Variants in ZFHX3 observed in about 807,000 individuals in gnomAD.
ZFHX3 encodes the protein zinc finger homeobox protein 3.
Under a neutral mutation model 279.1 loss-of-function variants are expected in ZFHX3, and 42 were observed. The ratio of observed to expected loss-of-function variants is 0.15; its 90% confidence interval spans 0.12 to 0.19. The LOEUF (loss-of-function observed/expected upper bound fraction) is 0.19, where lower values mean the gene tolerates loss of function less well. Among genes scored for constraint, ZFHX3 ranks in the 10% least tolerant of loss-of-function variants. The pLI is 1.00. For synonymous variants in ZFHX3, 2,293 were observed against 1,957.8 expected (o/e 1.17, Z -4.52); for missense variants, 4,981 against 4,754.0 (o/e 1.05, Z -1.40).
chr16:73,642,782 C>T (rs1354077786), intron 2 of ZFHX3, among the ~76,000 whole-genome samples: 1 of 152,146 alleles, frequency 6.6e-6, no homozygotes, highest in Non-Finnish European at 1.5e-5. Flanking sequence ...AAATAACAGG[C>T]TGACATCTGC....
chr16:73,713,443 T>C (rs1277396252), intron 1 of ZFHX3, among the ~76,000 whole-genome samples: 1 of 152,128 alleles, frequency 6.6e-6, no homozygotes, highest in African/African-American at 2.4e-5. Flanking sequence ...TTCCTCCTCC[T>C]CCTATTCTTG....
intron 4 of ZFHX3, among the ~76,000 whole-genome samples, chr16:73,308,369 C>T (rs2015243386): frequency 6.6e-6 from 1 of 151,212 alleles, no homozygotes; most frequent in Admixed American, 6.6e-5. Flanking sequence ...CTTCCACCTC[C>T]TGGGTTCTCC....
At position 73,534,176 on chromosome 16, in the gene ZFHX3, G is replaced by T. The variant is rs144558746; in HGVS notation, c.-1546-77918C>A. On this transcript the variant is annotated intron_variant, in intron 2 of 17. Transcript: ENST00000641206. ...TACTTCTCTTCCCCTTGCCCATTCA[G>T]CTCCAGCCATGGTGAATTCTTCAAT... Among the ~76,000 whole-genome samples the T allele has an allele frequency of 5.6e-3, 853 of 152,142 alleles. 4 individuals are homozygous for T. Among genetic ancestry groups the T allele is most frequent in the Non-Finnish European group, 8.2e-3 (556 of 68,008 alleles).
chr16:73,021,222 C>T lies in ZFHX3; in HGVS notation c.-50+26530G>A, dbSNP rs577291310. 2.0e-4 allele frequency among the ~76,000 whole-genome samples: 30 copies of T among 152,294 alleles called. 1 individual carries two copies. The South Asian group carries it at 2.5e-3, about 13-fold the overall frequency. ...AGGGGTTTAGAGCAGCGAGGAAAGA[C>T]AATCGAGGAAACGGGGCTCGAGGTT... On this transcript the variant is annotated intron_variant, in intron 1 of 9. Transcript: ENST00000268489.
At chr16:73,334,581 C>G (rs553767885) in intron 3 of ZFHX3, among the ~76,000 whole-genome samples, 4 of 152,108 alleles carry the variant, frequency 2.6e-5, no homozygotes, top group Admixed American at 6.5e-5. Flanking sequence ...TTGTTCTGCC[C>G]GCTCCCCAAA....
At chr16:73,250,421 C>T (rs1364855931) in intron 5 of ZFHX3, among the ~76,000 whole-genome samples, 2 of 152,184 alleles carry the variant, frequency 1.3e-5, no homozygotes, top group African/African-American at 4.8e-5. Context: ...ATTTATATAA[C>T]ATAAAATTTG....
chr16:73,682,979 AAAG>A lies in ZFHX3; in HGVS notation c.-1607-2742_-1607-2740del, dbSNP rs760603946. On this transcript the variant is annotated intron_variant, in intron 1 of 17. Transcript: ENST00000641206. Reference sequence around the variant, plus strand: ...GAAAGAAAGAAAGAAAGAAAGAAAGAAAGAAAGAAAGAAAAGAAAGAAAGAAAG... The same window carrying A: ...GAAAGAAAGAAAGAAAGAAAGAAAGAAAAGAAAGAAAAGAAAGAAAGAAAG... Among the ~76,000 whole-genome samples the A allele has an allele frequency of 5.6e-3, 130 of 23,228 alleles. 4 individuals carry two copies. Among genetic ancestry groups the A allele is most frequent in the African/African-American group, 6.5e-3 (42 of 6,432 alleles). 15.2% of individuals were successfully genotyped at this position (23,228 alleles called of 152,430 possible).
rs879110976 is a variant in ZFHX3, at chr16:73,371,854, C to G, written c.-1290-53518G>C. Among the ~76,000 whole-genome samples, 14 of 152,224 alleles carry G rather than the reference C, an allele frequency of 9.2e-5. 1 individual carries two copies. Among genetic ancestry groups the G allele is most frequent in the African/African-American group, 3.4e-4 (14 of 41,458 alleles). ...TCTCTTGCTGATCGCAATGCCCTTT[C>G]CCTCCCATTCAAGGTCTCGGCCCAG... On this transcript the variant is annotated intron_variant, in intron 3 of 17. Coordinates refer to the ZFHX3 transcript ENST00000641206.
chr16:73,481,283 C>A (rs566289413), intron 2 of ZFHX3, among the ~76,000 whole-genome samples: 1 of 151,438 alleles, frequency 6.6e-6, no homozygotes, highest in Admixed American at 6.6e-5. Flanking sequence ...GAGCTGAGAT[C>A]GCATCACTGC....
intron 2 of ZFHX3, among the ~76,000 whole-genome samples, chr16:73,551,348 A>C (rs1433453102): frequency 1.3e-5 from 2 of 152,234 alleles, no homozygotes; most frequent in Non-Finnish European, 2.9e-5. Flanking sequence ...GCATGAAGAA[A>C]AAAAAAGTAC....
intron 7 of ZFHX3, among the ~76,000 whole-genome samples, chr16:72,810,025 C>A (rs989673013): frequency 6.6e-6 from 1 of 151,248 alleles, no homozygotes; most frequent in Non-Finnish European, 1.5e-5. Flanking sequence ...ACTACAGGCG[C>A]CTGCCACCAC....
intron 5 of ZFHX3, among the ~76,000 whole-genome samples, chr16:73,251,376 C>T (rs1049027616): frequency 1.3e-5 from 2 of 152,148 alleles, no homozygotes; most frequent in Non-Finnish European, 2.9e-5. Context: ...ACAGCGAGCA[C>T]GGAGCACTGT....
intron 1 of ZFHX3, among the ~76,000 whole-genome samples, chr16:73,685,829 A>T (rs1469140640): frequency 1.3e-5 from 2 of 152,208 alleles, no homozygotes; most frequent in South Asian, 2.1e-4. Context: ...ATGCTCTTTT[A>T]TGAGCACCCG....
intron 2 of ZFHX3, among the ~76,000 whole-genome samples, chr16:73,667,068 T>C (rs1416058248): frequency 6.6e-6 from 1 of 151,988 alleles, no homozygotes; most frequent in East Asian, 1.9e-4. Flanking sequence ...CTCGGCTCAC[T>C]ACAACCTCCA....
At chr16:73,310,109 A>G (rs1369716855) in intron 4 of ZFHX3, among the ~76,000 whole-genome samples, 1 of 151,874 alleles carries the variant, frequency 6.6e-6, no homozygotes, top group Non-Finnish European at 1.5e-5. Flanking sequence ...GGGTTTCACC[A>G]TATTGGCCAC....
At chr16:72,864,613 C>A (rs1461348919) in intron 4 of ZFHX3, among the ~76,000 whole-genome samples, 4 of 152,122 alleles carry the variant, frequency 2.6e-5, no homozygotes, top group Non-Finnish European at 5.9e-5. Context: ...AATGAAGCAC[C>A]AAATACCATG....
chr16:73,759,510 G>T (rs905080666), intron 1 of ZFHX3, among the ~76,000 whole-genome samples: 2 of 152,194 alleles, frequency 1.3e-5, no homozygotes, highest in South Asian at 4.1e-4. Context: ...AAATAGGAAA[G>T]ACAGAGAGCT....
chr16:73,543,473 C>T (rs1428699371), intron 2 of ZFHX3, among the ~76,000 whole-genome samples: 2 of 152,036 alleles, frequency 1.3e-5, no homozygotes, highest in African/African-American at 4.8e-5. Flanking sequence ...TTGGAGGCAC[C>T]GGCAGGGCCT....
intron 1 of ZFHX3, among the ~76,000 whole-genome samples, chr16:73,781,857 T>G (rs545289378): frequency 3.3e-5 from 5 of 152,200 alleles, no homozygotes; most frequent in Non-Finnish European, 5.9e-5. Flanking sequence ...TGTGGTGGTG[T>G]GCATCTGTAA....
Sources: gnomAD v4.1 joint callset for allele counts (sites outside exome capture counted in the v4.1 genomes callset) on GRCh38, gnomAD v4.1.1 for gene constraint, MANE v1.5 for transcripts, NCBI Gene and HGNC (gene_info 2026-07-23, HGNC 2026-07-21) for gene names.